CKAP2L: variants seen among roughly 807,000 people sequenced by gnomAD.
CKAP2L encodes cytoskeleton-associated protein 2-like.
Under a neutral mutation model 65.7 loss-of-function variants are expected in CKAP2L, and 42 were observed. The ratio of observed to expected loss-of-function variants is 0.64; its 90% CI spans 0.50 to 0.83. CKAP2L has a LOEUF of 0.83. Ranked by LOEUF, CKAP2L falls within the 40% of genes least tolerant of loss-of-function variation. The pLI is 0.00. For synonymous variants in CKAP2L, 325 were observed against 313.5 expected, an observed-to-expected ratio of 1.04 and a Z score of -0.39; for missense variants, 908 against 871.0, an observed-to-expected ratio of 1.04 and a Z score of -0.53.
rs1052529 is a variant in CKAP2L, at chr2:112,738,554, A to T, written c.*269T>A. 0.015 allele frequency: 6,218 copies of T among 420,428 alleles called. 339 individuals are homozygous for T. The highest frequency in any genetic ancestry group is 0.11 in the African/African-American group (5,661 of 49,876). The allele number at this position is 420,428 out of a possible 1,614,324, so 26.0% of individuals were successfully genotyped here. A position where few individuals can be genotyped will look rare whatever the true frequency, so the allele number is the denominator to read the frequency against. On this transcript the variant is annotated 3_prime_UTR_variant, in exon 9 of 9. Transcript: ENST00000302450. ...TGGGATTAAAGTAGATCAATAAAGT[A>T]TAAATATTTATCATAGTTGTAGGGT...
intron 7 of CKAP2L, chr2:112,742,342 T>C: frequency 1.4e-6 from 1 of 715,320 alleles, no homozygotes; most frequent in Non-Finnish European, 2.6e-6. Context: ...AACACAAATT[T>C]AGATGAGTAT....
chr2:112,753,661 G>A (rs1034819331), intron 4 of CKAP2L, among the ~76,000 whole-genome samples: 12 of 150,890 alleles, frequency 8.0e-5, no homozygotes, highest in Non-Finnish European at 1.5e-4. Flanking sequence ...CCAAGTAGCT[G>A]CAATTACAGG....
rs1348626362 is a variant in CKAP2L at position 112,756,107 on chromosome 2, A to T, written c.1264T>A (p.Leu422Met). ...TGGTTCTGGGGAACAGCCTTTTTCA[A>T]CTTGGAGTCCAAAGTCTGTGCTTTT... ...QQKAQTLDSK[L>M]KKAVPQNHFL... Residue 422 changes from leucine (L) to methionine (M), a missense_variant, in exon 4 of 9, where the codon TTG becomes ATG. Transcript: ENST00000302450. 6.2e-7 allele frequency: 1 copy of T among 1,614,140 alleles called. No individual in the cohort carries two copies. Among genetic ancestry groups the T allele is most frequent in the Non-Finnish European group, 8.5e-7 (1 of 1,180,012 alleles).
rs554426429 is a variant in CKAP2L, at chr2:112,738,630, T to A, written c.*193A>T. The A allele has an allele frequency of 5.2e-5, 31 of 593,676 alleles. No homozygotes were observed. Among genetic ancestry groups the A allele is most frequent in the Non-Finnish European group, 8.7e-5 (29 of 335,046 alleles). 36.8% of individuals were successfully genotyped at this position (593,676 alleles called of 1,614,324 possible). On this transcript the variant is annotated 3_prime_UTR_variant, in exon 9 of 9. Transcript: ENST00000302450. ...GTATACTGTAAAACTGGCAAACTGG[T>A]CTTAAACACATAAAGCAAAGATTTT...
intron 3 of CKAP2L, among the ~76,000 whole-genome samples, chr2:112,758,938 T>G (rs191244301): frequency 1.3e-5 from 2 of 152,324 alleles, no homozygotes; most frequent in Admixed American, 1.3e-4. Flanking sequence ...TAGTCTACTT[T>G]CTGTCTCTGT....
intron 3 of CKAP2L, 85 bp from the exon 4 acceptor site, chr2:112,757,299 A>G: frequency 1.1e-6 from 1 of 901,072 alleles, no homozygotes; most frequent in South Asian, 2.2e-5. Context: ...AACACATGCT[A>G]AAAAAAATAA....
chr2:112,752,369 G>C lies in CKAP2L; in HGVS notation c.1500C>G (p.Phe500Leu), dbSNP rs1680398222. 6.2e-7 allele frequency: 1 copy of C among 1,612,302 alleles called. No homozygotes were observed. Among genetic ancestry groups the C allele is most frequent in the Non-Finnish European group, 8.5e-7 (1 of 1,178,566 alleles). Residue 500 changes from phenylalanine (F) to leucine (L), a missense_variant, in exon 5 of 9, where the codon TTC becomes TTG. Phe to Leu is a conservative substitution (Grantham distance 22, BLOSUM62 0). Transcript: ENST00000302450. ...RKVIKEMNIS[F>L]WKSIEKEEEE... ...CCTCTTCTTTTTCAATGCTCTTCCA[G>C]AATGAAATATTCATTTCCTTTATTA...
At chr2:112,762,615 T>C (rs1680759568) in intron 1 of CKAP2L, 46 bp from the exon 2 acceptor site, 1 of 1,443,294 alleles carries the variant, frequency 6.9e-7, no homozygotes, top group Middle Eastern at 1.7e-4. Flanking sequence ...TAGTTCAAGA[T>C]TTTAACCAGT....
chr2:112,758,912 A>G (rs1254641216), intron 3 of CKAP2L, among the ~76,000 whole-genome samples: 2 of 152,134 alleles, frequency 1.3e-5, no homozygotes, highest in African/African-American at 4.8e-5. Flanking sequence ...TGCTCCCTGC[A>G]GTTCTTGGCA....
intron 3 of CKAP2L, among the ~76,000 whole-genome samples, chr2:112,757,842 C>A (rs1010546148): frequency 2.6e-4 from 40 of 152,174 alleles, no homozygotes; most frequent in Admixed American, 2.5e-3. Flanking sequence ...CCTATTATAT[C>A]CTAAGTGCCC....
At chr2:112,749,724 A>G (rs917053010) in intron 5 of CKAP2L, among the ~76,000 whole-genome samples, 1 of 152,212 alleles carries the variant, frequency 6.6e-6, no homozygotes, top group Non-Finnish European at 1.5e-5. Flanking sequence ...CAATGACAAG[A>G]TATGTCAGTT....
At chr2:112,760,154 T>C (rs1471135419) in intron 3 of CKAP2L, among the ~76,000 whole-genome samples, 2 of 152,174 alleles carry the variant, frequency 1.3e-5, no homozygotes, top group Non-Finnish European at 1.5e-5. Flanking sequence ...TTAAGGATCC[T>C]TTACCATTCT....
intron 5 of CKAP2L, among the ~76,000 whole-genome samples, chr2:112,747,202 C>CA (rs1680229651): frequency 6.6e-6 from 1 of 152,000 alleles, no homozygotes; most frequent in Non-Finnish European, 1.5e-5. Context: ...GCAATCCTCC[C>CA]ACCTTAGCCT....
At chr2:112,748,378 G>A (rs1459411911) in intron 5 of CKAP2L, among the ~76,000 whole-genome samples, 2 of 152,144 alleles carry the variant, frequency 1.3e-5, no homozygotes, top group Non-Finnish European at 2.9e-5. Flanking sequence ...AGAAAATGAA[G>A]CAGTCACTTA....
chr2:112,742,014 T>G (rs1443671612), intron 7 of CKAP2L, among the ~76,000 whole-genome samples: 1 of 138,502 alleles, frequency 7.2e-6, no homozygotes, highest in African/African-American at 2.6e-5. Flanking sequence ...GGTCTCAAAC[T>G]CCTGACCTCA....
At chr2:112,753,294 T>C (rs573993685) in intron 4 of CKAP2L, among the ~76,000 whole-genome samples, 2 of 152,326 alleles carry the variant, frequency 1.3e-5, no homozygotes, top group African/African-American at 4.8e-5. Flanking sequence ...AACAAAGTTA[T>C]TGATTTTCAT....
rs770441305 is a variant in CKAP2L at position 112,742,773 on chromosome 2, G to A, written c.1759-4C>T. 1 of 1,596,894 alleles carries A rather than the reference G, an allele frequency of 6.3e-7. No homozygotes were observed. The highest frequency in any genetic ancestry group is 8.5e-7 in the Non-Finnish European group (1 of 1,171,702). On this transcript the variant is annotated splice_polypyrimidine_tract_variant and splice_region_variant and intron_variant, in intron 6 of 8. Transcript: ENST00000302450. ...CTTTCCGCAACTCTTGTATTGGCTGGAAGGAAGGAAGAAAACATACAAAAT... is the reference window on the plus strand; with the variant it reads ...CTTTCCGCAACTCTTGTATTGGCTGAAAGGAAGGAAGAAAACATACAAAAT...
At chr2:112,763,939 G>C (rs985419876) in intron 1 of CKAP2L, 1 of 152,666 alleles carries the variant, frequency 6.6e-6, no homozygotes, top group Non-Finnish European at 1.5e-5. Flanking sequence ...GCATCAACAG[G>C]AATAATGGAT....
intron 3 of CKAP2L, among the ~76,000 whole-genome samples, 171 bp from the exon 4 acceptor site, chr2:112,757,385 G>GTTTTTTTTT (rs11311328): frequency 3.0e-4 from 26 of 87,434 alleles, no homozygotes; most frequent in African/African-American, 4.2e-4. Flanking sequence ...TAGTTTTTGT[G>GTTTTTTTTT]TTTTTTTTTT....
Sources: gnomAD v4.1 joint callset for allele counts (sites outside exome capture counted in the v4.1 genomes callset) on GRCh38, gnomAD v4.1.1 for gene constraint, MANE v1.5 for transcripts, NCBI Gene and HGNC (gene_info 2026-07-23, HGNC 2026-07-21) for gene names.